RBFOX1: variants seen among roughly 807,000 people sequenced by gnomAD.
The protein encoded by RBFOX1 is RNA binding protein fox-1 homolog 1.
A neutral mutation model predicts 57.7 loss-of-function variants in RBFOX1; 8 were observed. That is an observed-to-expected ratio of 0.14 (90% confidence interval 0.08 to 0.25). RBFOX1 has a LOEUF of 0.25. Among genes scored for constraint, RBFOX1 ranks in the 10% least tolerant of loss-of-function variants. RBFOX1 has a pLI of 1.00. For synonymous variants in RBFOX1, 326 were observed against 222.4 expected (o/e 1.47, Z -4.15); for missense variants, 611 against 548.5 (o/e 1.11, Z -1.14).
At chr16:6,385,457 T>C (rs563017325) in intron 2 of RBFOX1, among the ~76,000 whole-genome samples, 1 of 152,346 alleles carries the variant, frequency 6.6e-6, no homozygotes, top group East Asian at 1.9e-4. Flanking sequence ...CCTCCCAGGA[T>C]CAAGTGATTC....
At chr16:7,120,326 G>T (rs2066835082) in intron 4 of RBFOX1, among the ~76,000 whole-genome samples, 1 of 139,802 alleles carries the variant, frequency 7.2e-6, no homozygotes, top group Admixed American at 7.0e-5. Flanking sequence ...AGAAAGAAGG[G>T]AATAGTAAAT....
intron 2 of RBFOX1, among the ~76,000 whole-genome samples, chr16:5,537,255 C>G (rs2044737601): frequency 6.6e-6 from 1 of 152,194 alleles, no homozygotes; most frequent in Non-Finnish European, 1.5e-5. Context: ...TCACGGTTCT[C>G]AGAATTCTTT....
chr16:6,838,026 TTTAC>T (rs2093229191), intron 3 of RBFOX1, among the ~76,000 whole-genome samples: 2 of 152,008 alleles, frequency 1.3e-5, no homozygotes, highest in African/African-American at 4.8e-5. Flanking sequence ...TTTTTTCCAT[TTTAC>T]TTTAAGTTCC....
At chr16:5,863,325 C>A (rs916210076) in intron 3 of RBFOX1, among the ~76,000 whole-genome samples, 3 of 152,194 alleles carry the variant, frequency 2.0e-5, no homozygotes, top group Non-Finnish European at 4.4e-5. Context: ...CGTTTTGCAC[C>A]CTGCGCTGGT....
intron 4 of RBFOX1, among the ~76,000 whole-genome samples, chr16:7,055,531 A>G (rs934527020): frequency 1.3e-5 from 2 of 152,162 alleles, no homozygotes; most frequent in African/African-American, 4.8e-5. Context: ...CTCTCATCAG[A>G]AGGAAGGAGA....
chr16:6,888,383 A>G (rs1045079196), intron 3 of RBFOX1, among the ~76,000 whole-genome samples: 1 of 152,214 alleles, frequency 6.6e-6, no homozygotes, highest in Non-Finnish European at 1.5e-5. Context: ...TGAAAATCCA[A>G]ACTTGGAGGA....
At chr16:7,363,288 T>G (rs140516003) in intron 4 of RBFOX1, among the ~76,000 whole-genome samples, 8 of 152,248 alleles carry the variant, frequency 5.3e-5, no homozygotes, top group Non-Finnish European at 1.0e-4. Context: ...TGTCAAGCTG[T>G]TGAGAAATCC....
chr16:5,545,639 A>T (rs1160607820), intron 2 of RBFOX1, among the ~76,000 whole-genome samples: 1 of 152,198 alleles, frequency 6.6e-6, no homozygotes, highest in African/African-American at 2.4e-5. Flanking sequence ...AAACGTAAGA[A>T]TTTAACATCT....
At chr16:7,537,869 A>G (rs536104031) in intron 5 of RBFOX1, among the ~76,000 whole-genome samples, 3 of 152,392 alleles carry the variant, frequency 2.0e-5, no homozygotes, top group Admixed American at 6.5e-5. Flanking sequence ...TCCATCATAC[A>G]TAATGCATGA....
chr16:5,683,531 C>G (rs149768414), intron 3 of RBFOX1, among the ~76,000 whole-genome samples: 8 of 151,934 alleles, frequency 5.3e-5, no homozygotes, highest in Non-Finnish European at 1.5e-5. Context: ...GCATATAAAG[C>G]AGGCAGAAAA....
chr16:7,147,871 T>G (rs1295975004), intron 4 of RBFOX1, among the ~76,000 whole-genome samples: 2 of 152,190 alleles, frequency 1.3e-5, no homozygotes, highest in African/African-American at 2.4e-5. Context: ...TAGTTCTGTT[T>G]AAGCCCTTTG....
At chr16:5,438,365 T>A (rs2067979656) in intron 1 of RBFOX1, among the ~76,000 whole-genome samples, 1 of 152,182 alleles carries the variant, frequency 6.6e-6, no homozygotes, top group Non-Finnish European at 1.5e-5. Flanking sequence ...TTCAGGTATT[T>A]GTTGAGCATC....
At chr16:6,844,898 C>T (rs1227745373) in intron 3 of RBFOX1, among the ~76,000 whole-genome samples, 3 of 152,130 alleles carry the variant, frequency 2.0e-5, no homozygotes. Context: ...GAGATGGTAT[C>T]TCATTGTGGT....
intron 3 of RBFOX1, among the ~76,000 whole-genome samples, chr16:6,738,887 A>T (rs1332076044): frequency 6.6e-6 from 1 of 152,212 alleles, no homozygotes; most frequent in East Asian, 1.9e-4. Flanking sequence ...TCAGTAATCC[A>T]TGAGTTGAAA....
intron 4 of RBFOX1, among the ~76,000 whole-genome samples, chr16:5,981,595 AG>A: frequency 6.6e-6 from 1 of 152,160 alleles, no homozygotes; most frequent in South Asian, 2.1e-4. Context: ...CAGCCTCATG[AG>A]TAGCTGGGAT....
At chr16:6,652,485 C>T (rs1357871819) in intron 2 of RBFOX1, among the ~76,000 whole-genome samples, 2 of 151,740 alleles carry the variant, frequency 1.3e-5, no homozygotes, top group Admixed American at 6.6e-5. Context: ...GTCTCCCTTT[C>T]TCTCTCTCTC....
intron 2 of RBFOX1, among the ~76,000 whole-genome samples, chr16:6,481,093 A>G (rs2095364620): frequency 6.6e-6 from 1 of 152,186 alleles, no homozygotes; most frequent in African/African-American, 2.4e-5. Context: ...TTCCATTTTA[A>G]TAGGTACTAG....
chr16:5,862,548 C>A (rs1402081121), intron 3 of RBFOX1, among the ~76,000 whole-genome samples: 1 of 152,108 alleles, frequency 6.6e-6, no homozygotes, highest in African/African-American at 2.4e-5. Context: ...TCACCCACTG[C>A]GTGTCAGGGT....
rs532192168 is a variant in RBFOX1, at chr16:5,625,722, A to T, written c.318+26761A>T. On this transcript the variant is annotated intron_variant, in intron 3 of 19. Transcript: ENST00000641259. ...ACAGGTGCCCACCACCATGCTCAGC[A>T]AATTTTTGTATTTTTGGTAGAGACA... 1.5e-3 allele frequency among the ~76,000 whole-genome samples: 231 copies of T among 149,554 alleles called. 1 individual carries two copies. The highest frequency in any genetic ancestry group is 5.2e-3 in the African/African-American group (210 of 40,510).
Sources: allele counts gnomAD v4.1 joint callset (sites outside exome capture counted in the v4.1 genomes callset), GRCh38; gene constraint gnomAD v4.1.1; transcripts MANE v1.5; gene names NCBI Gene and HGNC (gene_info 2026-07-23, HGNC 2026-07-21).